The following SV2B variants were observed in gnomAD, a reference collection of about 807,000 sequenced individuals.
SV2B encodes synaptic vesicle glycoprotein 2B.
A neutral mutation model predicts 73.9 loss-of-function variants in SV2B; 41 were observed. The ratio of observed to expected loss-of-function variants is 0.56; its 90% CI spans 0.43 to 0.72. SV2B has a LOEUF of 0.72. Ranked by LOEUF, SV2B falls within the 30% of genes least tolerant of loss-of-function variation. The pLI is 0.00. For synonymous variants in SV2B, 314 were observed against 314.2 expected (o/e 1.00, Z 0.01); for missense variants, 764 against 857.8 (o/e 0.89, Z 1.37).
At chr15:91,274,472 A>G in intron 9 of SV2B, among the ~76,000 whole-genome samples, 1 of 152,186 alleles carries the variant, frequency 6.6e-6, no homozygotes, top group East Asian at 1.9e-4. Flanking sequence ...CATTTAGATG[A>G]CCAATTCATT....
chr15:91,263,175 GAC>G (rs1297590761), intron 6 of SV2B, among the ~76,000 whole-genome samples: 1 of 149,136 alleles, frequency 6.7e-6, no homozygotes. Context: ...CAGACACACA[GAC>G]ACAGAGACAC....
intron 1 of SV2B, among the ~76,000 whole-genome samples, chr15:91,114,578 A>G (rs915370421): frequency 1.3e-5 from 2 of 152,174 alleles, no homozygotes; most frequent in Non-Finnish European, 2.9e-5. Context: ...TCAACACACA[A>G]GGTTCCTCTG....
intron 1 of SV2B, among the ~76,000 whole-genome samples, chr15:91,143,829 A>G (rs990231717): frequency 6.6e-6 from 1 of 152,224 alleles, no homozygotes; most frequent in African/African-American, 2.4e-5. Context: ...AGCCTCGAAG[A>G]GCATGTTAAT....
At chr15:91,191,147 C>A (rs376691953) in intron 1 of SV2B, among the ~76,000 whole-genome samples, 1 of 139,400 alleles carries the variant, frequency 7.2e-6, no homozygotes, top group East Asian at 2.4e-4. Flanking sequence ...CTCACTGCAA[C>A]CTCCGCCTCC....
At chr15:91,211,341 C>A (rs1011448501) in intron 1 of SV2B, among the ~76,000 whole-genome samples, 12 of 152,060 alleles carry the variant, frequency 7.9e-5, no homozygotes, top group African/African-American at 2.9e-4. Flanking sequence ...GGGTGTGTGG[C>A]CTTCTCTTTG....
chr15:91,179,428 G>A (rs903696055), intron 1 of SV2B, among the ~76,000 whole-genome samples: 14 of 152,268 alleles, frequency 9.2e-5, no homozygotes, highest in Middle Eastern at 3.4e-3. Context: ...GCAGAGCTGA[G>A]TTCAATTCCT....
chr15:91,267,428 T>G lies in SV2B; in HGVS notation c.1120-127T>G. On this transcript the variant is annotated intron_variant, in intron 7 of 12. Transcript: ENST00000394232. The surrounding 1 kb of genome is among the most constrained non-coding windows in gnomAD (Gnocchi z 4.3). ...CAGTTTTGCTGCCTCTAGGAGACAG[T>G]GGGGTACCGGTTCTCTCCATGGGTT... 1.3e-6 allele frequency: 1 copy of G among 748,500 alleles called. No individual in the cohort carries two copies. Among genetic ancestry groups the G allele is most frequent in the South Asian group, 1.7e-5 (1 of 58,292 alleles). The allele number at this position is 748,500 out of a possible 1,614,324, so 46.4% of individuals were successfully genotyped here.
chr15:91,180,473 A>T (rs1377611382), intron 1 of SV2B, among the ~76,000 whole-genome samples: 1 of 152,038 alleles, frequency 6.6e-6, no homozygotes, highest in Admixed American at 6.6e-5. Flanking sequence ...CTCCTGGATA[A>T]TATCCTGCAG....
rs557039805 is a variant in SV2B at position 91,228,711 on chromosome 15, A to G, written c.451+1997A>G. On this transcript the variant is annotated intron_variant, in intron 2 of 12. Transcript: ENST00000394232. ...TCCAGGTTTTTGTAATTTTGCTTTT[A>G]GTGTCTGCCCAGAAGATGCAGTGAC... Among the ~76,000 whole-genome samples the G allele has an allele frequency of 1.6e-4, 25 of 152,322 alleles. No homozygotes were observed. The South Asian group carries it at 4.1e-3, about 25-fold the overall frequency.
rs985892679 is a variant in SV2B at position 91,301,607 on chromosome 15, G to A, written c.*9055G>A. ...CTTCATAATAACCTAATGAGTAAGT[G>A]TTATTTTCTTCCCTTTAGAAGTGGG... On this transcript the variant is annotated 3_prime_UTR_variant, in exon 13 of 13. Coordinates refer to ENST00000394232, the MANE Select transcript of SV2B (RefSeq NM_001323032.3). This position sits in a 1 kb window ranked among gnomAD's most constrained non-coding sequence, Gnocchi z 4.3. Among the ~76,000 whole-genome samples the A allele has an allele frequency of 5.3e-5, 8 of 151,984 alleles. No homozygotes were observed. The highest frequency in any genetic ancestry group is 1.7e-4 in the African/African-American group (7 of 41,424).
intron 1 of SV2B, among the ~76,000 whole-genome samples, chr15:91,188,549 T>C (rs2044870719): frequency 6.6e-6 from 1 of 152,044 alleles, no homozygotes; most frequent in Admixed American, 6.5e-5. Flanking sequence ...TCTTCTGACC[T>C]CGTGATCCAC....
intron 9 of SV2B, among the ~76,000 whole-genome samples, chr15:91,272,524 G>C (rs1244998222): frequency 6.6e-6 from 1 of 152,136 alleles, no homozygotes; most frequent in African/African-American, 2.4e-5. Flanking sequence ...CCTCAAAGCT[G>C]ATGCTGTGTT....
At chr15:91,272,828 C>CTTTTT (rs869274294) in intron 9 of SV2B, among the ~76,000 whole-genome samples, 23 of 92,870 alleles carry the variant, frequency 2.5e-4, no homozygotes, top group Non-Finnish European at 4.1e-4. Flanking sequence ...GCATATTCGT[C>CTTTTT]TTTTTTTTTT....
chr15:91,278,412 T>A (rs965188577), intron 9 of SV2B, among the ~76,000 whole-genome samples: 1 of 152,060 alleles, frequency 6.6e-6, no homozygotes, highest in Non-Finnish European at 1.5e-5. Context: ...AAGTTACACA[T>A]CACGCCTGTA....
intron 6 of SV2B, among the ~76,000 whole-genome samples, chr15:91,260,746 C>T (rs937997317): frequency 1.3e-5 from 2 of 152,086 alleles, no homozygotes; most frequent in African/African-American, 2.4e-5. Context: ...ACTTACAGTT[C>T]CGCATGGCTG....
rs140164264 is a variant in SV2B at position 91,182,454 on chromosome 15, C to G, written c.-391-43419C>G. 7.4e-4 allele frequency among the ~76,000 whole-genome samples: 113 copies of G among 152,268 alleles called. 1 individual carries two copies. Among genetic ancestry groups the G allele is most frequent in the Non-Finnish European group, 1.5e-3 (101 of 68,014 alleles). ...AAATCTAGATGTTCCTATTTTCAGT[C>G]TCTGAATTAAGATTATGGACCTGAA... On this transcript the variant is annotated intron_variant, in intron 1 of 12. Transcript: ENST00000394232.
intron 1 of SV2B, among the ~76,000 whole-genome samples, chr15:91,165,377 G>A (rs990524336): frequency 2.0e-5 from 3 of 152,120 alleles, no homozygotes; most frequent in Non-Finnish European, 4.4e-5. Context: ...AGTATTGAAC[G>A]TGTACAGGCT....
At chr15:91,183,305 T>C (rs1022682223) in intron 1 of SV2B, among the ~76,000 whole-genome samples, 8 of 152,246 alleles carry the variant, frequency 5.3e-5, no homozygotes, top group African/African-American at 1.4e-4. Flanking sequence ...ATTACCCAGA[T>C]ACTTCCCTTT....
At chr15:91,282,001 G>T (rs1158675319) in intron 10 of SV2B, 140 bp downstream of exon 10, 1 of 1,067,280 alleles carries the variant, frequency 9.4e-7, no homozygotes, top group Admixed American at 2.8e-5. Flanking sequence ...TGGGGAAATG[G>T]ATTTTAGCCC....
Sources: gnomAD v4.1 joint callset for allele counts (sites outside exome capture counted in the v4.1 genomes callset) on GRCh38, gnomAD v4.1.1 for gene constraint, Gnocchi (gnomAD v3.1) non-coding constraint, MANE v1.5 for transcripts, NCBI Gene and HGNC (gene_info 2026-07-23, HGNC 2026-07-21) for gene names.